GRID1: variants seen among roughly 807,000 people sequenced by gnomAD.
The protein encoded by GRID1 is glutamate receptor ionotropic, delta-1.
A neutral mutation model predicts 98.0 loss-of-function variants in GRID1; 28 were observed. That is an observed-to-expected ratio of 0.29 (90% CI 0.21 to 0.39). The LOEUF is 0.39. Among genes scored for constraint, GRID1 ranks in the 10% least tolerant of loss-of-function variants. The probability of loss-of-function intolerance (pLI) is 1.00; values close to 1 mark genes in which losing one functional copy is unlikely to be tolerated. For missense variants in GRID1, 1,111 were observed against 1,340.5 expected (o/e 0.83, Z 2.67); for synonymous variants, 553 against 538.5 (o/e 1.03, Z -0.37).
At chr10:85,904,514 G>T (rs1238230353) in intron 5 of GRID1, among the ~76,000 whole-genome samples, 1 of 152,134 alleles carries the variant, frequency 6.6e-6, no homozygotes, top group Non-Finnish European at 1.5e-5. Context: ...AGAGAAAAAT[G>T]TGGTCACTTC....
intron 4 of GRID1, among the ~76,000 whole-genome samples, chr10:86,131,428 T>C (rs906416327): frequency 2.6e-5 from 4 of 152,200 alleles, no homozygotes; most frequent in Admixed American, 6.5e-5. Context: ...TAATAAGCCA[T>C]AGATACTCTG....
intron 2 of GRID1, among the ~76,000 whole-genome samples, chr10:86,214,162 C>T (rs918076792): frequency 6.6e-6 from 1 of 152,168 alleles, no homozygotes; most frequent in Non-Finnish European, 1.5e-5. Flanking sequence ...ACATGAGCTT[C>T]CCACTGGCCT....
At chr10:86,213,228 C>T (rs540701721) in intron 2 of GRID1, among the ~76,000 whole-genome samples, 1 of 152,242 alleles carries the variant, frequency 6.6e-6, no homozygotes, top group East Asian at 1.9e-4. Context: ...GTGGATCAAC[C>T]TGCCCACGCT....
At chr10:85,990,717 T>G (rs961716679) in intron 4 of GRID1, among the ~76,000 whole-genome samples, 9 of 152,132 alleles carry the variant, frequency 5.9e-5, no homozygotes, top group Non-Finnish European at 1.0e-4. Flanking sequence ...GGCAGTAGAA[T>G]GCATGGAGGC....
At chr10:86,292,982 A>T (rs949026158) in intron 2 of GRID1, among the ~76,000 whole-genome samples, 10 of 151,844 alleles carry the variant, frequency 6.6e-5, no homozygotes, top group African/African-American at 1.9e-4. Context: ...CTGGGCCTGG[A>T]CTCTACGAAA....
chr10:85,747,512 G>A (rs1366685494), intron 8 of GRID1, among the ~76,000 whole-genome samples: 3 of 152,074 alleles, frequency 2.0e-5, no homozygotes, highest in Non-Finnish European at 2.9e-5. Flanking sequence ...ACCTCATAGG[G>A]CTCAGGCCTC....
chr10:85,636,185 G>A (rs191016280), intron 13 of GRID1, among the ~76,000 whole-genome samples: 13 of 152,148 alleles, frequency 8.5e-5, no homozygotes, highest in South Asian at 2.1e-4. Flanking sequence ...GGAAGACCCC[G>A]GGTAAAATAA....
intron 12 of GRID1, among the ~76,000 whole-genome samples, chr10:85,696,511 T>G (rs1207649330): frequency 2.0e-5 from 3 of 152,130 alleles, no homozygotes; most frequent in Admixed American, 2.0e-4. Flanking sequence ...GGAGATGAAA[T>G]TAAATACACC....
At chr10:85,845,743 C>A (rs1842999567) in intron 8 of GRID1, among the ~76,000 whole-genome samples, 1 of 152,078 alleles carries the variant, frequency 6.6e-6, no homozygotes, top group African/African-American at 2.4e-5. Context: ...GATTTGTTGG[C>A]CTCTCTATAC....
intron 5 of GRID1, among the ~76,000 whole-genome samples, chr10:85,880,253 T>C (rs192551246): frequency 0.06 from 9,083 of 152,128 alleles, 308 homozygotes; most frequent in Non-Finnish European, 0.071. Context: ...AAAGAGGGAA[T>C]CCTCCCTAAC....
At chr10:86,165,087 G>A (rs1845379350) in intron 3 of GRID1, among the ~76,000 whole-genome samples, 1 of 152,126 alleles carries the variant, frequency 6.6e-6, no homozygotes, top group Admixed American at 6.5e-5. Flanking sequence ...TGCCTGTCAG[G>A]ACGAACAGTC....
intron 5 of GRID1, among the ~76,000 whole-genome samples, chr10:85,900,562 G>T (rs72842949): frequency 2.6e-5 from 4 of 152,198 alleles, no homozygotes; most frequent in African/African-American, 4.8e-5. Flanking sequence ...CAATACACTT[G>T]TTGGGAACAA....
chr10:86,010,549 T>C (rs1842912363), intron 4 of GRID1, among the ~76,000 whole-genome samples: 1 of 152,072 alleles, frequency 6.6e-6, no homozygotes, highest in Non-Finnish European at 1.5e-5. Flanking sequence ...CCGGGTATGG[T>C]GGTTCATTCC....
intron 5 of GRID1, among the ~76,000 whole-genome samples, chr10:85,901,849 A>G (rs931266296): frequency 1.3e-5 from 2 of 152,222 alleles, no homozygotes; most frequent in Non-Finnish European, 2.9e-5. Flanking sequence ...AAAGAATGAT[A>G]CTGCAGAACA....
At chr10:85,679,351 A>G (rs1841181060) in intron 12 of GRID1, among the ~76,000 whole-genome samples, 1 of 152,186 alleles carries the variant, frequency 6.6e-6, no homozygotes, top group Admixed American at 6.5e-5. Flanking sequence ...AGTCTACAGT[A>G]TATCCAGTAG....
intron 5 of GRID1, among the ~76,000 whole-genome samples, chr10:85,876,910 T>C (rs563115636): frequency 4.6e-5 from 7 of 152,212 alleles, no homozygotes; most frequent in African/African-American, 1.7e-4. Context: ...ACCCCAATAC[T>C]GCGCTTTTCC....
chr10:85,602,481 C>T lies in GRID1; in HGVS notation c.2822G>A (p.Arg941Gln), dbSNP rs143689664. The change falls in exon 16 of 16, where the codon CGG (arginine) becomes CAG (glutamine). Residue 941 changes from arginine to glutamine, a missense_variant. Arg to Gln is a conservative substitution (Grantham distance 43). Around this residue, in one of 3 missense-constraint regions of GRID1, gnomAD observed 762 missense variants for 869.1 expected, o/e 0.88. Transcript: ENST00000327946. ...LPEQSSHGTS[R>Q]TLSSGPSSNL... is the part of the protein sequence containing the mutation. ...GCTGCTGGGCCCTGATGAGAGTGTC[C>T]GGCTGGTGCCATGGCTGCTCTGCTC... is the stretch of plus-strand genomic sequence containing the variant. 6.5e-5 allele frequency: 105 copies of T among 1,613,974 alleles called. 1 individual carries two copies. Among genetic ancestry groups the T allele is most frequent in the Non-Finnish European group, 8.2e-5 (97 of 1,180,034 alleles).
At chr10:85,800,294 C>A (rs1239885211) in intron 8 of GRID1, among the ~76,000 whole-genome samples, 6 of 151,790 alleles carry the variant, frequency 4.0e-5, no homozygotes, top group Non-Finnish European at 5.9e-5. Context: ...GCGTATCAGA[C>A]AATATAAAAA....
At chr10:86,243,535 G>T (rs1846671150) in intron 2 of GRID1, among the ~76,000 whole-genome samples, 1 of 152,168 alleles carries the variant, frequency 6.6e-6, no homozygotes, top group Non-Finnish European at 1.5e-5. Flanking sequence ...AGGAAACTGA[G>T]GCTCAGAGTG....
Sources: allele counts gnomAD v4.1 joint callset (sites outside exome capture counted in the v4.1 genomes callset), GRCh38; gene constraint gnomAD v4.1.1; regional missense constraint gnomAD v4.1.1; transcripts MANE v1.5; gene names NCBI Gene and HGNC (gene_info 2026-07-23, HGNC 2026-07-21).